TENM4: variants seen among roughly 807,000 people sequenced by gnomAD.
TENM4 encodes teneurin transmembrane protein 4.
Under a neutral mutation model 243.3 loss-of-function variants are expected in TENM4, and 82 were observed. The observed-to-expected ratio is 0.34, with a 90% confidence interval of 0.28 to 0.40. The LOEUF (loss-of-function observed/expected upper bound fraction) is 0.40, where lower values mean the gene tolerates loss of function less well. Ranked by LOEUF, TENM4 falls within the 10% of genes least tolerant of loss-of-function variation. TENM4 has a pLI of 1.00. For missense variants in TENM4, 3,138 were observed against 3,673.3 expected, an observed-to-expected ratio of 0.85 and a Z score of 3.77; for synonymous variants, 1,412 against 1,456.3, an observed-to-expected ratio of 0.97 and a Z score of 0.69.
At chr11:78,846,186 G>C (rs1858389005) in intron 12 of TENM4, among the ~76,000 whole-genome samples, 1 of 152,194 alleles carries the variant, frequency 6.6e-6, no homozygotes, top group African/African-American at 2.4e-5. Context: ...TTGGCAATTA[G>C]CATTAGATCT....
chr11:78,716,395 T>C (rs1590962963), intron 25 of TENM4, among the ~76,000 whole-genome samples: 1 of 152,248 alleles, frequency 6.6e-6, no homozygotes. Flanking sequence ...GTAGCACCAA[T>C]TAAACTTTTC....
intron 12 of TENM4, among the ~76,000 whole-genome samples, chr11:78,818,062 A>G (rs555511226): frequency 1.6e-3 from 236 of 152,122 alleles, no homozygotes; most frequent in Non-Finnish European, 2.3e-3. Flanking sequence ...TCATTTATGT[A>G]TTTGCCCTGG....
chr11:78,891,050 T>G (rs1209549552), intron 8 of TENM4, among the ~76,000 whole-genome samples, 188 bp downstream of exon 8: 1 of 152,204 alleles, frequency 6.6e-6, no homozygotes. Context: ...ACAAGACTGC[T>G]GTTAATATGC....
chr11:79,002,156 T>C (rs1177324255), intron 6 of TENM4, among the ~76,000 whole-genome samples: 1 of 152,040 alleles, frequency 6.6e-6, no homozygotes, highest in Middle Eastern at 3.4e-3. Flanking sequence ...TGAAAGCACA[T>C]ACAAACACTA....
intron 21 of TENM4, 26 bp downstream of exon 21, chr11:78,732,290 G>A (rs745413466): frequency 1.9e-6 from 3 of 1,572,744 alleles, no homozygotes; most frequent in Non-Finnish European, 2.6e-6. Context: ...AAAGCATGGT[G>A]GAATGCAATT....
At chr11:79,341,123 T>C (rs1857234644) in intron 1 of TENM4, among the ~76,000 whole-genome samples, 1 of 152,178 alleles carries the variant, frequency 6.6e-6, no homozygotes, top group Non-Finnish European at 1.5e-5. Flanking sequence ...GGATTCTCCC[T>C]TTGGAGCCTC....
At chr11:79,359,592 A>G (rs1311742365) in intron 1 of TENM4, among the ~76,000 whole-genome samples, 1 of 152,198 alleles carries the variant, frequency 6.6e-6, no homozygotes, top group Non-Finnish European at 1.5e-5. Flanking sequence ...AAACAAAACA[A>G]AAGCATAAAA....
At chr11:79,071,100 T>G (rs1860404217) in intron 4 of TENM4, among the ~76,000 whole-genome samples, 1 of 152,210 alleles carries the variant, frequency 6.6e-6, no homozygotes, top group Non-Finnish European at 1.5e-5. Flanking sequence ...CCTGGATTTT[T>G]GAGTTGTGAT....
intron 1 of TENM4, among the ~76,000 whole-genome samples, chr11:79,374,633 A>G (rs1200939657): frequency 6.6e-6 from 1 of 151,446 alleles, no homozygotes; most frequent in Non-Finnish European, 1.5e-5. Flanking sequence ...AAGTCATGGT[A>G]TAAGCTTGGT....
At chr11:79,381,363 C>G (rs1200163066) in intron 1 of TENM4, among the ~76,000 whole-genome samples, 2 of 151,536 alleles carry the variant, frequency 1.3e-5, no homozygotes, top group African/African-American at 4.9e-5. Context: ...AGGAAAGAAC[C>G]AGTGTGCACA....
chr11:78,912,951 G>C (rs554260988), intron 6 of TENM4, among the ~76,000 whole-genome samples: 1 of 152,346 alleles, frequency 6.6e-6, no homozygotes, highest in East Asian at 1.9e-4. Flanking sequence ...CTAATTTGCT[G>C]TGTGACCTTG....
chr11:78,960,816 G>A (rs1183451395), intron 6 of TENM4, among the ~76,000 whole-genome samples: 1 of 152,168 alleles, frequency 6.6e-6, no homozygotes, highest in African/African-American at 2.4e-5. Context: ...GACATTTCTT[G>A]GAGCATCCCC....
At chr11:79,421,133 G>A (rs549061937) in intron 1 of TENM4, among the ~76,000 whole-genome samples, 57 of 152,172 alleles carry the variant, frequency 3.7e-4, no homozygotes, top group Non-Finnish European at 5.4e-4. Flanking sequence ...AGAGGCATTC[G>A]AAAGCACACT....
chr11:78,664,201 A>T (rs1277366029), intron 32 of TENM4, among the ~76,000 whole-genome samples: 1 of 152,196 alleles, frequency 6.6e-6, no homozygotes, highest in Non-Finnish European at 1.5e-5. Context: ...AAGTGTTACC[A>T]TTTGGTGGCA....
intron 25 of TENM4, among the ~76,000 whole-genome samples, chr11:78,713,823 T>C (rs1859458846): frequency 6.6e-6 from 1 of 152,230 alleles, no homozygotes; most frequent in East Asian, 1.9e-4. Flanking sequence ...TTTTACCCCC[T>C]GGTACTGACA....
chr11:78,674,480 T>C (rs1022236728), intron 30 of TENM4, among the ~76,000 whole-genome samples: 1 of 152,204 alleles, frequency 6.6e-6, no homozygotes, highest in Non-Finnish European at 1.5e-5. Context: ...CTGCCATTTA[T>C]TGAGCACCTG....
intron 19 of TENM4, among the ~76,000 whole-genome samples, chr11:78,754,854 T>G (rs1856270526): frequency 6.6e-6 from 1 of 152,218 alleles, no homozygotes; most frequent in African/African-American, 2.4e-5. Flanking sequence ...GACCATCAAG[T>G]AGCTTCACCT....
chr11:78,736,479 T>TGTGTGTGTGCGCGC (rs796898751), intron 20 of TENM4, among the ~76,000 whole-genome samples: 39 of 99,398 alleles, frequency 3.9e-4, no homozygotes, highest in South Asian at 1.3e-3. Flanking sequence ...TGTGTGTGTG[T>TGTGTGTGTGCGCGC]GCGCGCGCGT....
chr11:79,189,923 G>GAGAAA (rs1863447027), intron 3 of TENM4, among the ~76,000 whole-genome samples: 1 of 152,196 alleles, frequency 6.6e-6, no homozygotes. Context: ...GCCACTGACG[G>GAGAAA]TTAGAAGAAA....
Sources: allele counts gnomAD v4.1 joint callset (sites outside exome capture counted in the v4.1 genomes callset), GRCh38; gene constraint gnomAD v4.1.1; transcripts MANE v1.5; gene names NCBI Gene and HGNC (gene_info 2026-07-23, HGNC 2026-07-21).